KYAT3: variants seen among roughly 807,000 people sequenced by gnomAD.
KYAT3 encodes the protein kynurenine aminotransferase 3.
A neutral mutation model predicts 59.0 loss-of-function variants in KYAT3; 50 were observed. The observed-to-expected ratio is 0.85, with a 90% CI of 0.68 to 1.07. The LOEUF (loss-of-function observed/expected upper bound fraction) is 1.07, where lower values mean the gene tolerates loss of function less well. KYAT3 is among the 50% of genes least tolerant of loss of function. The pLI, the probability that KYAT3 is intolerant of heterozygous loss-of-function variation, is 0.00. For missense variants in KYAT3, 497 were observed against 533.3 expected (o/e 0.93, Z 0.67); for synonymous variants, 148 against 177.0 (o/e 0.84, Z 1.30).
At chr1:88,955,035 G>C (rs1675849614) in intron 9 of KYAT3, 114 bp downstream of exon 9, 1 of 688,386 alleles carries the variant, frequency 1.5e-6, no homozygotes, top group African/African-American at 1.8e-5. Flanking sequence ...CAAAGTGCTG[G>C]GATTACAGGC....
At chr1:88,976,435 G>A (rs528766419) in intron 2 of KYAT3, among the ~76,000 whole-genome samples, 11 of 152,130 alleles carry the variant, frequency 7.2e-5, no homozygotes, top group Admixed American at 3.3e-4. Flanking sequence ...CATTAGTCAC[G>A]TGTTTGTGGT....
In KYAT3 at chr1:88,962,148, G is replaced by A. The variant is rs764151658; in HGVS notation, c.454-3C>T. 14 of 1,595,912 alleles carry A rather than the reference G, an allele frequency of 8.8e-6. No homozygotes were observed. Among genetic ancestry groups the A allele is most frequent in the Non-Finnish European group, 1.2e-5 (14 of 1,163,440 alleles). ...TAGAAAGGCACTATTAGTATGACCTGCAATAAAAGCAAATAAGATCACAAC... is the reference window on the plus strand; with the variant it reads ...TAGAAAGGCACTATTAGTATGACCTACAATAAAAGCAAATAAGATCACAAC... On this transcript the variant is annotated splice_region_variant and splice_polypyrimidine_tract_variant and intron_variant, in intron 5 of 13. Coordinates refer to ENST00000260508, the MANE Select transcript of KYAT3 (RefSeq NM_001008661.3).
the KYAT3 span, among the ~76,000 whole-genome samples, chr1:88,924,555 T>G: frequency 6.6e-6 from 1 of 152,336 alleles, no homozygotes; most frequent in East Asian, 1.9e-4. Flanking sequence ...TCCCCTCCCT[T>G]CGTATGAGAG....
chr1:88,992,132 C>T (rs1677839973), intron 1 of KYAT3, among the ~76,000 whole-genome samples: 1 of 152,078 alleles, frequency 6.6e-6, no homozygotes, highest in Admixed American at 6.5e-5. Context: ...GCGCCCGCCA[C>T]CACGCCCGGC....
Position 88,955,319 on chromosome 1 carries a change from A to G in KYAT3, c.788-94T>C, listed in dbSNP as rs914900148. On this transcript the variant is annotated intron_variant, in intron 8 of 13. Coordinates refer to ENST00000260508, the MANE Select transcript of KYAT3 (RefSeq NM_001008661.3). ...ATAACAAAGATACATAAATTCAATG[A>G]AAATAAGTGTGTTATAATTTAGCCA... 15 of 753,020 alleles carry G rather than the reference A, an allele frequency of 2.0e-5. No homozygotes were observed. The African/African-American group carries it at 2.7e-4, about 13-fold the overall frequency. The allele number at this position is 753,020 out of a possible 1,614,324, so 46.6% of individuals were successfully genotyped here.
At chr1:88,983,845 G>A (rs1489232065) in intron 2 of KYAT3, 1 of 1,492,958 alleles carries the variant, frequency 6.7e-7, no homozygotes, top group South Asian at 1.1e-5. Context: ...TTGCCGGTGA[G>A]TCGGAGGGGT....
chr1:88,978,060 T>C (rs140101725), intron 2 of KYAT3, among the ~76,000 whole-genome samples: 2 of 152,216 alleles, frequency 1.3e-5, no homozygotes, highest in African/African-American at 4.8e-5. Flanking sequence ...TATATAGATA[T>C]GTATGTATAT....
chr1:88,990,051 C>T (rs542227142), intron 1 of KYAT3, among the ~76,000 whole-genome samples: 5 of 152,304 alleles, frequency 3.3e-5, no homozygotes, highest in African/African-American at 1.2e-4. Flanking sequence ...CTAAATCCCT[C>T]TACCTTCTTC....
downstream of KYAT3, among the ~76,000 whole-genome samples, chr1:88,932,312 C>G (rs1674926443): frequency 6.6e-6 from 1 of 152,044 alleles, no homozygotes; most frequent in Non-Finnish European, 1.5e-5. Context: ...AATTATTAGA[C>G]TATTGATTGA....
intron 2 of KYAT3, chr1:88,982,830 C>T (rs748632591): frequency 1.9e-6 from 3 of 1,613,980 alleles, no homozygotes; most frequent in East Asian, 2.2e-5. Context: ...GAGTAGAGAT[C>T]ACTTCGGCTG....
chr1:88,954,025 C>T (rs1675800747), intron 9 of KYAT3, among the ~76,000 whole-genome samples: 1 of 152,002 alleles, frequency 6.6e-6, no homozygotes, highest in Admixed American at 6.5e-5. Flanking sequence ...TCTCAGCCTC[C>T]CAAGTAGCTG....
chr1:88,978,343 GGT>G (rs771956226), intron 2 of KYAT3, among the ~76,000 whole-genome samples: 67 of 151,794 alleles, frequency 4.4e-4, no homozygotes, highest in Non-Finnish European at 1.0e-4. Context: ...GTGGAGTTGT[GGT>G]GTCTTTTTTT....
At chr1:88,962,911 A>G (rs552321650) in intron 5 of KYAT3, among the ~76,000 whole-genome samples, 6 of 152,318 alleles carry the variant, frequency 3.9e-5, no homozygotes, top group African/African-American at 1.4e-4. Flanking sequence ...GAGGCAGGGC[A>G]GTAGAGTGGG....
intron 8 of KYAT3, among the ~76,000 whole-genome samples, chr1:88,956,037 GCTAT>G (rs1233763636): frequency 1.3e-5 from 2 of 152,034 alleles, no homozygotes; most frequent in African/African-American, 4.8e-5. Context: ...GTACCTTTTA[GCTAT>G]CACTCTTTAA....
intron 4 of KYAT3, among the ~76,000 whole-genome samples, chr1:88,967,346 T>C (rs1676386216): frequency 1.3e-5 from 2 of 152,010 alleles, no homozygotes; most frequent in South Asian, 2.1e-4. Flanking sequence ...TAAGTAAAAG[T>C]TTTTCATCCT....
chr1:88,990,608 A>C (rs1029571492), intron 1 of KYAT3, among the ~76,000 whole-genome samples: 1 of 152,110 alleles, frequency 6.6e-6, no homozygotes, highest in Non-Finnish European at 1.5e-5. Flanking sequence ...CCTCTCCCAC[A>C]ATCCGCCATT....
intron 2 of KYAT3, among the ~76,000 whole-genome samples, chr1:88,977,118 G>A (rs568116466): frequency 1.9e-4 from 29 of 152,276 alleles, no homozygotes; most frequent in African/African-American, 3.6e-4. Context: ...GGGTTCAAGC[G>A]ATTCTCCTGC....
rs146328694 is a variant in KYAT3, at chr1:88,936,959, A to G, written c.1303-714T>C. 5.1e-3 allele frequency among the ~76,000 whole-genome samples: 774 copies of G among 152,344 alleles called. 10 individuals are homozygous for G. The highest frequency in any genetic ancestry group is 0.018 in the African/African-American group (728 of 41,582). ...GGGAGAGCCTTGGCAACCCTAGTGC[A>G]GGACACTGCAGCCAGAGTGGAGTGA... On this transcript the variant is annotated intron_variant, in intron 13 of 13. Transcript: ENST00000260508.
chr1:88,938,497 C>G (rs1410733911), intron 13 of KYAT3, among the ~76,000 whole-genome samples: 1 of 152,148 alleles, frequency 6.6e-6, no homozygotes, highest in Non-Finnish European at 1.5e-5. Flanking sequence ...AAGAGCACAG[C>G]ACCCAACAGT....
Sources: gnomAD v4.1 joint callset for allele counts (sites outside exome capture counted in the v4.1 genomes callset) on GRCh38, gnomAD v4.1.1 for gene constraint, MANE v1.5 for transcripts, NCBI Gene and HGNC (gene_info 2026-07-23, HGNC 2026-07-21) for gene names.